ADD2: variants seen among roughly 807,000 people sequenced by gnomAD.
The protein encoded by ADD2 is beta-adducin.
A neutral mutation model predicts 83.0 loss-of-function variants in ADD2; 23 were observed. That is an observed-to-expected ratio of 0.28 (90% CI 0.20 to 0.39). The LOEUF (loss-of-function observed/expected upper bound fraction) is 0.39. Ranked by LOEUF, ADD2 falls within the 10% of genes least tolerant of loss-of-function variation. The pLI, the probability that ADD2 is intolerant of heterozygous loss-of-function variation, is 1.00. For missense variants in ADD2, 758 were observed against 944.9 expected (o/e 0.80, Z 2.59); for synonymous variants, 375 against 375.4 (o/e 1.00, Z 0.01).
chr2:70,664,722 TGTGTGTGAGTGTGCAAGTGTGTGTGTGG>T (rs1189684822), intron 15 of ADD2, among the ~76,000 whole-genome samples: 1 of 150,148 alleles, frequency 6.7e-6, no homozygotes, highest in Non-Finnish European at 1.5e-5. Context: ...TGTGTACAAG[TGTGTGTGAGTGTGCAAGTGTGTGTGTGG>T]GTGTGTGAGG....
rs782206329 is a variant in ADD2, at chr2:70,767,940, AT to A, written c.-209del. The A allele has an allele frequency of 1.1e-5, 17 of 1,535,644 alleles. No homozygotes were observed. The East Asian group carries it at 3.9e-4, about 35-fold the overall frequency. Reference sequence around the variant, plus strand: ...TCGGCCACTGCGGGTTGGTTTTGTTATTTTATGGGTTTGGGGGGTGGGGTGC... The same window carrying A: ...TCGGCCACTGCGGGTTGGTTTTGTTATTTATGGGTTTGGGGGGTGGGGTGC... On this transcript the variant is annotated 5_prime_UTR_variant, in exon 1 of 16. Transcript: ENST00000264436.
At chr2:70,665,462 C>A (rs782491837) in intron 15 of ADD2, among the ~76,000 whole-genome samples, 2 of 152,200 alleles carry the variant, frequency 1.3e-5, no homozygotes, top group Non-Finnish European at 2.9e-5. Context: ...CGTCCCGCCA[C>A]GTAATACTGT....
At chr2:70,707,080 C>T (rs1553374673) in intron 2 of ADD2, among the ~76,000 whole-genome samples, 1 of 152,208 alleles carries the variant, frequency 6.6e-6, no homozygotes. Context: ...TAAAAGAGCA[C>T]AGGAACTACT....
intron 9 of ADD2, among the ~76,000 whole-genome samples, chr2:70,685,230 C>T (rs1194704976): frequency 6.6e-6 from 1 of 152,084 alleles, no homozygotes. Context: ...CCAATTTAAC[C>T]TGCTGACAAA....
intron 9 of ADD2, among the ~76,000 whole-genome samples, chr2:70,685,179 G>A (rs1320392823): frequency 1.3e-5 from 2 of 152,230 alleles, no homozygotes; most frequent in East Asian, 3.9e-4. Flanking sequence ...CAAACTTTCA[G>A]TATTTTTGTG....
chr2:70,672,409 G>T (rs1553367228), intron 15 of ADD2, among the ~76,000 whole-genome samples: 1 of 152,206 alleles, frequency 6.6e-6, no homozygotes, highest in Non-Finnish European at 1.5e-5. Flanking sequence ...CAAGAATCAA[G>T]ACGGTTAAAG....
chr2:70,704,306 C>G lies in ADD2; in HGVS notation c.322+15G>C, dbSNP rs1553373974. On this transcript the variant is annotated intron_variant, in intron 4 of 15. Coordinates refer to ENST00000264436, the MANE Select transcript of ADD2 (RefSeq NM_001617.4). ...CTCCACCTCTGCTCCTGGCAGCTCC[C>G]CAGACACCACATACTCATGGAAGAT... 2 of 1,606,310 alleles carry G rather than the reference C, an allele frequency of 1.2e-6. No homozygotes were observed. The highest frequency in any genetic ancestry group is 2.3e-5 in the East Asian group (1 of 44,258).
chr2:70,656,926 T>G lies in ADD2; in HGVS notation c.*6499A>C, dbSNP rs1410484729. 1.3e-5 allele frequency: 2 copies of G among 151,976 alleles called. No individual in the cohort carries two copies. Among genetic ancestry groups the G allele is most frequent in the African/African-American group, 4.8e-5 (2 of 41,362 alleles). 9.4% of individuals were successfully genotyped at this position (151,976 alleles called of 1,614,324 possible). On this transcript the variant is annotated 3_prime_UTR_variant, in exon 16 of 16. Coordinates refer to ENST00000264436, the MANE Select transcript of ADD2 (RefSeq NM_001617.4). ...CAGCAGGAGGGCTCAGGAAGTGGCT[T>G]TGGAAAGTTCTCGTGAAAATCAAAG...
At chr2:70,731,717 TG>T (rs1238809083) in intron 1 of ADD2, among the ~76,000 whole-genome samples, 1 of 152,210 alleles carries the variant, frequency 6.6e-6, no homozygotes, top group Non-Finnish European at 1.5e-5. Flanking sequence ...GAGTTATAAA[TG>T]GGCTGCTGGA....
chr2:70,701,278 C>T (rs543248802), intron 4 of ADD2, among the ~76,000 whole-genome samples: 16 of 151,932 alleles, frequency 1.1e-4, no homozygotes, highest in South Asian at 4.1e-4. Flanking sequence ...AAACTCATCA[C>T]CTCAATAGTT....
At chr2:70,750,757 G>T (rs1553382817) in intron 1 of ADD2, among the ~76,000 whole-genome samples, 1 of 152,146 alleles carries the variant, frequency 6.6e-6, no homozygotes, top group African/African-American at 2.4e-5. Flanking sequence ...CATTTAAGGA[G>T]ATCTCCATTT....
chr2:70,704,263 T>TAGGCC, intron 4 of ADD2, 58 bp downstream of exon 4: 1 of 913,236 alleles, frequency 1.1e-6, no homozygotes, highest in Non-Finnish European at 1.7e-6. Flanking sequence ...CTCCCTCTCT[T>TAGGCC]CCCCACCCCA....
chr2:70,712,340 A>C (rs1672223484), intron 2 of ADD2, among the ~76,000 whole-genome samples: 2 of 151,196 alleles, frequency 1.3e-5, no homozygotes, highest in Admixed American at 1.3e-4. Flanking sequence ...GCTACTTGGG[A>C]GGCTGAGGCA....
At chr2:70,698,934 G>T (rs1553373127) in intron 4 of ADD2, among the ~76,000 whole-genome samples, 1 of 152,116 alleles carries the variant, frequency 6.6e-6, no homozygotes, top group Non-Finnish European at 1.5e-5. Context: ...GGCAAATGGA[G>T]CTAGACAGAT....
intron 4 of ADD2, among the ~76,000 whole-genome samples, chr2:70,696,807 C>T (rs1553372808): frequency 6.6e-6 from 1 of 152,204 alleles, no homozygotes; most frequent in Non-Finnish European, 1.5e-5. Flanking sequence ...CCAGCTATTA[C>T]ATTGTTTTAA....
In ADD2 at chr2:70,706,982, G is replaced by A. The variant is rs932653557; in HGVS notation, c.-34-540C>T. On this transcript the variant is annotated intron_variant, in intron 2 of 15. Transcript: ENST00000264436. This position sits in a 1 kb window ranked among gnomAD's most constrained non-coding sequence, Gnocchi z 5.0. The stretch of plus-strand genomic sequence containing the variant: ...TAACAAACCTGCACATCCTGCACAC[G>A]TATCACAGAACTAAAAAGAAAAAAA... 5.3e-5 allele frequency among the ~76,000 whole-genome samples: 8 copies of A among 152,004 alleles called. No individual in the cohort carries two copies. The highest frequency in any genetic ancestry group is 1.2e-4 in the Non-Finnish European group (8 of 68,008).
At chr2:70,754,351 A>G (rs912931782) in intron 1 of ADD2, among the ~76,000 whole-genome samples, 6 of 152,168 alleles carry the variant, frequency 3.9e-5, no homozygotes, top group Admixed American at 1.3e-4. Context: ...CGAAGAAGCT[A>G]AAATGTGGCT....
At chr2:70,755,823 G>A (rs538540746) in intron 1 of ADD2, among the ~76,000 whole-genome samples, 2 of 152,226 alleles carry the variant, frequency 1.3e-5, no homozygotes, top group African/African-American at 2.4e-5. Flanking sequence ...CACTTTGGGA[G>A]GCCGAGGTGG....
rs115760261 is a variant in ADD2, at chr2:70,731,260, A to G, written c.-153-18076T>C. Among the ~76,000 whole-genome samples the G allele has an allele frequency of 2.7e-3, 408 of 151,996 alleles. 3 individuals are homozygous for G. The highest frequency in any genetic ancestry group is 9.4e-3 in the African/African-American group (391 of 41,464). Reference sequence around the variant, plus strand: ...AGGAGGAAGAAATGTCTGCTTACCCAGGGTCTACACAGGACTACCCTGCCT... The same window carrying G: ...AGGAGGAAGAAATGTCTGCTTACCCGGGGTCTACACAGGACTACCCTGCCT... On this transcript the variant is annotated intron_variant, in intron 1 of 15. Transcript: ENST00000264436.
Sources: allele counts gnomAD v4.1 joint callset (sites outside exome capture counted in the v4.1 genomes callset), GRCh38; gene constraint gnomAD v4.1.1; non-coding constraint Gnocchi (gnomAD v3.1); transcripts MANE v1.5; gene names NCBI Gene and HGNC (gene_info 2026-07-23, HGNC 2026-07-21).